Variants in ATP2C1 observed in about 807,000 individuals in gnomAD.
The protein encoded by ATP2C1 is ATPase secretory pathway Ca2+ transporting 1.
A neutral mutation model predicts 120.5 loss-of-function variants in ATP2C1; 31 were observed. The observed-to-expected ratio is 0.26, with a 90% CI of 0.19 to 0.35. The LOEUF (loss-of-function observed/expected upper bound fraction) is 0.35, where lower values mean the gene tolerates loss of function less well. Among genes scored for constraint, ATP2C1 ranks in the 10% least tolerant of loss-of-function variants. The probability of loss-of-function intolerance (pLI) is 1.00; values close to 1 mark genes in which losing one functional copy is unlikely to be tolerated. For missense variants in ATP2C1, 731 were observed against 1,107.5 expected, an observed-to-expected ratio of 0.66 and a Z score of 4.83; for synonymous variants, 351 against 358.7, an observed-to-expected ratio of 0.98 and a Z score of 0.24.
chr3:131,012,607 C>A (rs529751906), intron 26 of ATP2C1, among the ~76,000 whole-genome samples: 1 of 152,252 alleles, frequency 6.6e-6, no homozygotes, highest in Non-Finnish European at 1.5e-5. Context: ...TTTCCAGTAA[C>A]ATTTCTTCTC....
At chr3:130,909,266 C>G (rs2058280876) in intron 2 of ATP2C1, among the ~76,000 whole-genome samples, 2 of 152,146 alleles carry the variant, frequency 1.3e-5, no homozygotes, top group Non-Finnish European at 2.9e-5. Context: ...GGACCAATTT[C>G]CCACCCCATA....
At chr3:130,874,918 C>T (rs996038257) in intron 1 of ATP2C1, among the ~76,000 whole-genome samples, 2 of 152,164 alleles carry the variant, frequency 1.3e-5, no homozygotes, top group East Asian at 1.9e-4. Context: ...TGATGCTGCT[C>T]ATAGTAAAGC....
At chr3:131,014,130 T>A in intron 26 of ATP2C1, 1 of 1,613,028 alleles carries the variant, frequency 6.2e-7, no homozygotes, top group East Asian at 2.2e-5. Context: ...GTTGTTTCCC[T>A]CATACCAACA....
At position 131,014,487 on chromosome 3, in the gene ATP2C1, G is replaced by C; in HGVS notation, c.2630-1665G>C. On this transcript the variant is annotated intron_variant, in intron 26 of 26. Transcript: ENST00000328560. ...TTCAACAAATGCATCTAAACAATGA[G>C]AGCTCTTATTGCTCTATAATATTAT... 2.6e-6 allele frequency: 3 copies of C among 1,134,186 alleles called. No homozygotes were observed. In the East Asian group the frequency reaches 7.5e-5, roughly 28 times the overall value. The allele number at this position is 1,134,186 out of a possible 1,614,324, so 70.3% of individuals were successfully genotyped here. A position where few individuals can be genotyped will look rare whatever the true frequency, so the allele number is the denominator to read the frequency against.
Position 131,001,824 on chromosome 3 carries a change from T to C in ATP2C1, c.*474T>C. 1.0e-6 allele frequency: 1 copy of C among 986,202 alleles called. No homozygotes were observed. Among genetic ancestry groups the C allele is most frequent in the Non-Finnish European group, 1.2e-6 (1 of 830,232 alleles). The allele number at this position is 986,202 out of a possible 1,614,324, so 61.1% of individuals were successfully genotyped here. ...ATTCCCAGGAGTGCCATATTTCAGC[T>C]ACTGTATTTCCTTTTTCTTGTAATG... On this transcript the variant is annotated 3_prime_UTR_variant, in exon 28 of 28. Transcript: ENST00000510168.
At chr3:130,994,292 G>A (rs576279312) in intron 22 of ATP2C1, among the ~76,000 whole-genome samples, 194 bp downstream of exon 22, 5 of 152,246 alleles carry the variant, frequency 3.3e-5, no homozygotes, top group South Asian at 2.1e-4. Flanking sequence ...ATAGTAAATG[G>A]CAGGACCCTC....
chr3:130,920,425 G>A (rs2108245466), intron 2 of ATP2C1, among the ~76,000 whole-genome samples: 1 of 152,222 alleles, frequency 6.6e-6, no homozygotes, highest in South Asian at 2.1e-4. Flanking sequence ...TTTTCCTGAT[G>A]CCATTCCTTT....
At chr3:130,998,722 A>G (rs2062747647) in intron 26 of ATP2C1, among the ~76,000 whole-genome samples, 2 of 152,196 alleles carry the variant, frequency 1.3e-5, no homozygotes, top group Non-Finnish European at 2.9e-5. Context: ...TTGAGATTTT[A>G]TTAGTCTCAT....
intron 20 of ATP2C1, among the ~76,000 whole-genome samples, chr3:130,982,063 AT>A (rs1380291574): frequency 6.6e-6 from 1 of 152,112 alleles, no homozygotes; most frequent in Non-Finnish European, 1.5e-5. Context: ...TTTATGGACT[AT>A]GCTTTTGATA....
At chr3:130,957,580 CT>C (rs2060634339) in intron 11 of ATP2C1, among the ~76,000 whole-genome samples, 1 of 152,042 alleles carries the variant, frequency 6.6e-6, no homozygotes, top group African/African-American at 2.4e-5. Flanking sequence ...GAGTCTCATT[CT>C]TGTTGCTCAG....
At chr3:130,949,992 G>C (rs535277317) in intron 8 of ATP2C1, among the ~76,000 whole-genome samples, 6 of 152,032 alleles carry the variant, frequency 3.9e-5, no homozygotes, top group African/African-American at 1.4e-4. Flanking sequence ...TCAGTGTACC[G>C]TATGTCAAAC....
At chr3:130,884,294 T>C (rs1268305241) in intron 1 of ATP2C1, among the ~76,000 whole-genome samples, 1 of 152,244 alleles carries the variant, frequency 6.6e-6, no homozygotes, top group African/African-American at 2.4e-5. Context: ...TATTGTTGAA[T>C]TTCCACGTAT....
chr3:130,969,131 G>T (rs1005272717), intron 16 of ATP2C1, among the ~76,000 whole-genome samples, 161 bp from the exon 17 acceptor site: 1 of 152,172 alleles, frequency 6.6e-6, no homozygotes, highest in Non-Finnish European at 1.5e-5. Context: ...GTATGCTGAT[G>T]TGTAGGGAAG....
At chr3:130,966,129 G>A (rs1293649340) in intron 14 of ATP2C1, among the ~76,000 whole-genome samples, 2 of 152,058 alleles carry the variant, frequency 1.3e-5, no homozygotes, top group African/African-American at 4.8e-5. Context: ...AAAATAAGCA[G>A]TAGGCAAATT....
chr3:130,959,602 A>G (rs1383053167), intron 12 of ATP2C1: 1 of 195,690 alleles, frequency 5.1e-6, no homozygotes, highest in East Asian at 1.1e-4. Flanking sequence ...ATATACAATT[A>G]AGGATTGTCA....
chr3:130,992,947 A>G lies in ATP2C1; in HGVS notation c.1840-4A>G. ...GATTTTTAGTGTATCTTGTATTTTA[A>G]CAGGTTGCAGTATTTTACAGAGCTA... On this transcript the variant is annotated splice_region_variant and splice_polypyrimidine_tract_variant and intron_variant, in intron 20 of 27. Coordinates refer to ENST00000510168, the MANE Select transcript of ATP2C1 (RefSeq NM_001378687.1). 6.2e-7 allele frequency: 1 copy of G among 1,609,730 alleles called. No individual in the cohort carries two copies. Among genetic ancestry groups the G allele is most frequent in the South Asian group, 1.1e-5 (1 of 90,974 alleles).
intron 2 of ATP2C1, among the ~76,000 whole-genome samples, chr3:130,915,645 G>A (rs987110867): frequency 2.6e-5 from 4 of 152,152 alleles, no homozygotes; most frequent in Non-Finnish European, 5.9e-5. Context: ...TACGTGGTAG[G>A]GGACTGAGTG....
intron 2 of ATP2C1, among the ~76,000 whole-genome samples, chr3:130,913,867 C>G (rs1448344772): frequency 1.3e-5 from 2 of 152,156 alleles, no homozygotes; most frequent in Non-Finnish European, 2.9e-5. Flanking sequence ...ATATCACTTA[C>G]TAGTTTTGTT....
chr3:130,971,681 A>G (rs1000893285), intron 17 of ATP2C1, among the ~76,000 whole-genome samples: 12 of 152,204 alleles, frequency 7.9e-5, no homozygotes, highest in Non-Finnish European at 1.6e-4. Flanking sequence ...AAGGCTAAAA[A>G]TAGTAGAGAA....
Sources: gnomAD v4.1 joint callset for allele counts (sites outside exome capture counted in the v4.1 genomes callset) on GRCh38, gnomAD v4.1.1 for gene constraint, MANE v1.5 for transcripts, NCBI Gene and HGNC (gene_info 2026-07-23, HGNC 2026-07-21) for gene names.